The following ITPR2 variants were observed in gnomAD, a reference collection of about 807,000 sequenced individuals.
The protein encoded by ITPR2 is inositol 1,4,5-trisphosphate-gated calcium channel ITPR2.
In ITPR2, 207 loss-of-function variants were observed where a neutral mutation model predicts 317.1. The ratio of observed to expected loss-of-function variants is 0.65; its 90% confidence interval spans 0.58 to 0.73. ITPR2 has a LOEUF of 0.73. Ranked by LOEUF, ITPR2 falls within the 30% of genes least tolerant of loss-of-function variation. The pLI is 0.00. For missense variants in ITPR2, 2,613 were observed against 3,284.0 expected (o/e 0.80, Z 4.99); for synonymous variants, 1,156 against 1,149.1 (o/e 1.01, Z -0.12).
At chr12:26,484,158 T>C (rs1201441791) in intron 41 of ITPR2, among the ~76,000 whole-genome samples, 1 of 150,948 alleles carries the variant, frequency 6.6e-6, no homozygotes, top group Non-Finnish European at 1.5e-5. Flanking sequence ...TGTATATATG[T>C]ATATATACAT....
chr12:26,654,550 G>A (rs1341282383), intron 20 of ITPR2, among the ~76,000 whole-genome samples: 1 of 152,166 alleles, frequency 6.6e-6, no homozygotes, highest in Admixed American at 6.5e-5. Context: ...CATTCCAAGT[G>A]CGAGAGTCTA....
chr12:26,518,848 A>T (rs1485929859), intron 37 of ITPR2, among the ~76,000 whole-genome samples: 1 of 152,162 alleles, frequency 6.6e-6, no homozygotes, highest in African/African-American at 2.4e-5. Flanking sequence ...AGAAGGAAAT[A>T]ACTAAAGAAA....
chr12:26,700,240 C>T (rs557246220), intron 9 of ITPR2, among the ~76,000 whole-genome samples: 1 of 152,110 alleles, frequency 6.6e-6, no homozygotes, highest in African/African-American at 2.4e-5. Context: ...GAGAAGGTAG[C>T]ATTTGAGATA....
In ITPR2 at chr12:26,419,088, C is replaced by G. The variant is rs1940811699; in HGVS notation, c.7071G>C (p.Met2357Ile). ...AGAATTCATGGACAAAAAGGCCCAG[C>G]ATGCAAACCAGGACATACGCCACGT... ...LYHVAYVLVC[M>I]LGLFVHEFFY... The change falls in exon 50 of 57, where the codon ATG becomes ATC. Residue 2357 changes from methionine (M) to isoleucine (I), a missense_variant. By Grantham distance (10) the Met-to-Ile change is conservative (BLOSUM62 1). Transcript: ENST00000381340. 1 of 1,613,536 alleles carries G rather than the reference C, an allele frequency of 6.2e-7. No homozygotes were observed. The highest frequency in any genetic ancestry group is 1.7e-5 in the Admixed American group (1 of 59,928).
At chr12:26,494,899 C>T (rs543394833) in intron 38 of ITPR2, among the ~76,000 whole-genome samples, 1 of 150,584 alleles carries the variant, frequency 6.6e-6, no homozygotes, top group South Asian at 2.1e-4. Context: ...AGAAAACTAG[C>T]TTTATTTTGT....
At chr12:26,671,747 A>G (rs1292916303) in intron 13 of ITPR2, among the ~76,000 whole-genome samples, 1 of 152,240 alleles carries the variant, frequency 6.6e-6, no homozygotes, top group East Asian at 1.9e-4. Flanking sequence ...TAAAAGACAC[A>G]GACTGGCAAA....
At chr12:26,739,994 G>C (rs1282710284) in intron 2 of ITPR2, among the ~76,000 whole-genome samples, 1 of 152,194 alleles carries the variant, frequency 6.6e-6, no homozygotes, top group Non-Finnish European at 1.5e-5. Flanking sequence ...GGGTTGACTT[G>C]TTTGCTAAAT....
intron 55 of ITPR2, among the ~76,000 whole-genome samples, chr12:26,351,767 A>G (rs1938491868): frequency 1.3e-5 from 2 of 152,168 alleles, no homozygotes; most frequent in Non-Finnish European, 2.9e-5. Flanking sequence ...TTTCCTGTCA[A>G]TTCTGAATTC....
At chr12:26,659,390 AC>A (rs1265219892) in intron 15 of ITPR2, 105 bp from the exon 16 acceptor site, 6 of 1,011,666 alleles carry the variant, frequency 5.9e-6, no homozygotes, top group Non-Finnish European at 8.6e-6. Context: ...CAGAAGGTTC[AC>A]TAAAAATTTT....
At chr12:26,675,241 T>C (rs1464159903) in intron 13 of ITPR2, among the ~76,000 whole-genome samples, 1 of 152,192 alleles carries the variant, frequency 6.6e-6, no homozygotes, top group Non-Finnish European at 1.5e-5. Flanking sequence ...TAAAGACACA[T>C]GCACATGCAT....
At chr12:26,428,233 T>C in intron 48 of ITPR2, 145 bp from the exon 49 acceptor site, 1 of 511,984 alleles carries the variant, frequency 2.0e-6, no homozygotes, top group Non-Finnish European at 3.2e-6. Flanking sequence ...TTCTTTATAT[T>C]TCAAGGAAAT....
At chr12:26,371,948 A>G (rs1005986593) in intron 55 of ITPR2, among the ~76,000 whole-genome samples, 5 of 152,182 alleles carry the variant, frequency 3.3e-5, no homozygotes, top group Non-Finnish European at 7.4e-5. Context: ...TCTACATAAA[A>G]GTCATCAATG....
At chr12:26,496,579 G>A (rs1942935840) in intron 37 of ITPR2, among the ~76,000 whole-genome samples, 1 of 152,032 alleles carries the variant, frequency 6.6e-6, no homozygotes, top group Admixed American at 6.6e-5. Flanking sequence ...TGTGTCTTGA[G>A]GTTCCACTGG....
intron 13 of ITPR2, among the ~76,000 whole-genome samples, chr12:26,678,029 A>C (rs147271155): frequency 2.6e-4 from 39 of 152,310 alleles, no homozygotes; most frequent in African/African-American, 8.9e-4. Context: ...TTAGCACTAC[A>C]TATAGCCATG....
At chr12:26,495,870 A>C (rs963732684) in intron 37 of ITPR2, among the ~76,000 whole-genome samples, 2 of 152,202 alleles carry the variant, frequency 1.3e-5, no homozygotes, top group African/African-American at 2.4e-5. Context: ...TCAAAAAATT[A>C]ACCTTGATAA....
intron 2 of ITPR2, among the ~76,000 whole-genome samples, chr12:26,753,067 G>C (rs576850273): frequency 8.5e-5 from 13 of 152,280 alleles, no homozygotes; most frequent in South Asian, 8.3e-4. Context: ...TGGTGGGGTA[G>C]CTGGGTAACG....
chr12:26,772,013 T>C (rs74072357), intron 2 of ITPR2, among the ~76,000 whole-genome samples: 3,918 of 152,218 alleles, frequency 0.026, 66 homozygotes, highest in African/African-American at 0.054. Flanking sequence ...GCAGTGGTAC[T>C]CTTGTCACAT....
intron 55 of ITPR2, among the ~76,000 whole-genome samples, chr12:26,349,566 T>C (rs2136556343): frequency 6.6e-6 from 1 of 152,398 alleles, no homozygotes; most frequent in Admixed American, 6.5e-5. Flanking sequence ...ATTTACATTA[T>C]ATACTCACAT....
chr12:26,574,643 G>A (rs985069704), intron 34 of ITPR2, among the ~76,000 whole-genome samples: 1 of 152,140 alleles, frequency 6.6e-6, no homozygotes, highest in Non-Finnish European at 1.5e-5. Flanking sequence ...CCTGGCGCTG[G>A]ATAATTGATA....
Sources: gnomAD v4.1 joint callset for allele counts (sites outside exome capture counted in the v4.1 genomes callset) on GRCh38, gnomAD v4.1.1 for gene constraint, MANE v1.5 for transcripts, NCBI Gene and HGNC (gene_info 2026-07-23, HGNC 2026-07-21) for gene names.